Variants in GRXCR1 observed in about 807,000 individuals in gnomAD.
The protein encoded by GRXCR1 is glutaredoxin domain-containing cysteine-rich protein 1.
GRXCR1 carries 27 observed loss-of-function variants against 27.3 expected under a neutral mutation model. The observed-to-expected ratio is 0.99, with a 90% CI of 0.73 to 1.37. GRXCR1 has a LOEUF of 1.37. Among genes scored for constraint, GRXCR1 ranks in the 40% most tolerant of loss-of-function variants. The probability of loss-of-function intolerance (pLI) is 0.00; values close to 1 mark genes in which losing one functional copy is unlikely to be tolerated. For missense variants in GRXCR1, 379 were observed against 354.4 expected, an observed-to-expected ratio of 1.07 and a Z score of -0.56; for synonymous variants, 122 against 131.1, an observed-to-expected ratio of 0.93 and a Z score of 0.47.
At chr4:42,894,547 A>C (rs1416525329) in intron 1 of GRXCR1, among the ~76,000 whole-genome samples, 1 of 152,102 alleles carries the variant, frequency 6.6e-6, no homozygotes, top group Admixed American at 6.6e-5. Context: ...CAATGTCCCT[A>C]TATTATATTA....
At chr4:42,894,495 T>A (rs759031575) in intron 1 of GRXCR1, among the ~76,000 whole-genome samples, 3 of 152,130 alleles carry the variant, frequency 2.0e-5, no homozygotes, top group Admixed American at 1.3e-4. Context: ...AATTCCTTTT[T>A]ATATTCTCAA....
intron 1 of GRXCR1, among the ~76,000 whole-genome samples, chr4:42,961,149 C>T (rs1748122556): frequency 6.6e-6 from 1 of 151,876 alleles, no homozygotes; most frequent in South Asian, 2.1e-4. Context: ...CGGCTTTCAG[C>T]TCCATTCATG....
At chr4:42,959,758 T>A (rs879256561) in intron 1 of GRXCR1, among the ~76,000 whole-genome samples, 2 of 151,940 alleles carry the variant, frequency 1.3e-5, no homozygotes, top group Non-Finnish European at 2.9e-5. Context: ...ATTCTGCATG[T>A]CCAATCTTTA....
At chr4:43,010,888 A>G (rs1712729192) in intron 2 of GRXCR1, among the ~76,000 whole-genome samples, 1 of 152,124 alleles carries the variant, frequency 6.6e-6, no homozygotes, top group South Asian at 2.1e-4. Flanking sequence ...AACATATATT[A>G]TCTCATTTAT....
intron 2 of GRXCR1, among the ~76,000 whole-genome samples, chr4:43,005,808 G>C (rs1712538068): frequency 6.6e-6 from 1 of 152,208 alleles, no homozygotes; most frequent in Admixed American, 6.5e-5. Flanking sequence ...TTTGGAAAGG[G>C]ACATACAGCA....
intron 1 of GRXCR1, among the ~76,000 whole-genome samples, chr4:42,935,068 C>T (rs13112737): frequency 0.2 from 30,915 of 151,882 alleles, 3,881 homozygotes; most frequent in Admixed American, 0.3. Context: ...ATGCCTGAAA[C>T]TCTGACTGCT....
chr4:42,915,854 T>C (rs1273284234), intron 1 of GRXCR1, among the ~76,000 whole-genome samples: 2 of 152,126 alleles, frequency 1.3e-5, no homozygotes, highest in Non-Finnish European at 2.9e-5. Flanking sequence ...AATGTCATGT[T>C]TAGATTTTTT....
In GRXCR1 at chr4:43,030,356, T is replaced by C. The variant is rs765023300; in HGVS notation, c.694-5T>C. On this transcript the variant is annotated splice_region_variant and splice_polypyrimidine_tract_variant and intron_variant, in intron 3 of 3. Transcript: ENST00000399770. ...TTTCTCTTGTTCCCCTGCCACCTTA[T>C]ACAGAGAGTACAGCATCCACATGAG... 3 of 1,613,168 alleles carry C rather than the reference T, an allele frequency of 1.9e-6. No homozygotes were observed. The African/African-American group carries it at 4.0e-5, about 22-fold the overall frequency.
At chr4:42,960,989 C>T (rs1748118576) in intron 1 of GRXCR1, among the ~76,000 whole-genome samples, 1 of 151,836 alleles carries the variant, frequency 6.6e-6, no homozygotes, top group South Asian at 2.1e-4. Context: ...TTTCCTAATG[C>T]TCTCACTCTC....
At chr4:42,987,002 A>ATGTGTGTG (rs36224914) in intron 2 of GRXCR1, among the ~76,000 whole-genome samples, 4,144 of 140,828 alleles carry the variant, frequency 0.029, 131 homozygotes, top group East Asian at 0.18. Context: ...AGATATGTGT[A>ATGTGTGTG]TGTGTGTGTG....
chr4:43,015,962 C>T (rs970488258), intron 2 of GRXCR1, among the ~76,000 whole-genome samples: 8 of 152,116 alleles, frequency 5.3e-5, no homozygotes, highest in Admixed American at 6.5e-5. Flanking sequence ...GATATCCGTA[C>T]ACAGATAGCT....
intron 3 of GRXCR1, among the ~76,000 whole-genome samples, chr4:43,029,160 C>T (rs1411478437): frequency 6.6e-6 from 1 of 152,040 alleles, no homozygotes; most frequent in Non-Finnish European, 1.5e-5. Flanking sequence ...ATTATTGACT[C>T]GATAAAAATT....
intron 1 of GRXCR1, among the ~76,000 whole-genome samples, chr4:42,934,003 G>A (rs1747396282): frequency 6.6e-6 from 1 of 151,810 alleles, no homozygotes; most frequent in South Asian, 2.1e-4. Flanking sequence ...ACCTGGAGCA[G>A]GAGAAAACTT....
Position 43,030,614 on chromosome 4 carries a change from A to G in GRXCR1, c.*74A>G. 1 of 1,178,246 alleles carries G rather than the reference A, an allele frequency of 8.5e-7. No individual in the cohort carries two copies. Among genetic ancestry groups the G allele is most frequent in the Admixed American group, 1.8e-5 (1 of 56,858 alleles). The allele number at this position is 1,178,246 out of a possible 1,614,324, so 73.0% of individuals were successfully genotyped here. ...ACTTTGGTTTATATATATATTTTTA[A>G]ATGGTTATGTTTATGGATTAATCAA... On this transcript the variant is annotated 3_prime_UTR_variant, in exon 4 of 4. Transcript: ENST00000399770.
intron 1 of GRXCR1, among the ~76,000 whole-genome samples, chr4:42,931,123 T>C (rs998801825): frequency 1.3e-5 from 2 of 151,988 alleles, no homozygotes; most frequent in African/African-American, 4.8e-5. Context: ...CTCTCTTCTG[T>C]CCTTTAAATG....
chr4:42,908,627 G>A (rs1577900990), intron 1 of GRXCR1, among the ~76,000 whole-genome samples: 1 of 152,140 alleles, frequency 6.6e-6, no homozygotes, highest in African/African-American at 2.4e-5. Flanking sequence ...ATTTATAAAT[G>A]GATTCTAAAA....
At chr4:42,932,074 C>T (rs1469599690) in intron 1 of GRXCR1, among the ~76,000 whole-genome samples, 1 of 151,956 alleles carries the variant, frequency 6.6e-6, no homozygotes, top group Non-Finnish European at 1.5e-5. Context: ...CCCACTGGGT[C>T]CTTCCCATGA....
intron 3 of GRXCR1, among the ~76,000 whole-genome samples, chr4:43,027,705 T>C (rs545918762): frequency 1.8e-4 from 28 of 152,328 alleles, no homozygotes; most frequent in African/African-American, 6.7e-4. Context: ...AAGAATATGG[T>C]CATTCACAAG....
intron 2 of GRXCR1, among the ~76,000 whole-genome samples, chr4:42,970,608 G>T (rs1339898519): frequency 2.0e-5 from 3 of 152,122 alleles, no homozygotes; most frequent in Non-Finnish European, 4.4e-5. Flanking sequence ...GAGTTGCTGG[G>T]ATGTAGAGCA....
Sources: allele counts gnomAD v4.1 joint callset (sites outside exome capture counted in the v4.1 genomes callset), GRCh38; gene constraint gnomAD v4.1.1; transcripts MANE v1.5; gene names NCBI Gene and HGNC (gene_info 2026-07-23, HGNC 2026-07-21).